Variants in GALNT16 observed in about 807,000 individuals in gnomAD.
The protein encoded by GALNT16 is UDP-GalNAc:polypeptide N-acetylgalactosaminyltransferase-like protein 1.
A neutral mutation model predicts 76.1 loss-of-function variants in GALNT16; 40 were observed. The ratio of observed to expected loss-of-function variants is 0.53; its 90% confidence interval spans 0.41 to 0.68. GALNT16 has a LOEUF of 0.68. Ranked by LOEUF, GALNT16 falls within the 30% of genes least tolerant of loss-of-function variation. The probability of loss-of-function intolerance (pLI) is 0.00; values close to 1 mark genes in which losing one functional copy is unlikely to be tolerated. For missense variants in GALNT16, 621 were observed against 731.9 expected (o/e 0.85, Z 1.75); for synonymous variants, 276 against 285.2 (o/e 0.97, Z 0.32).
At chr14:69,263,096 T>A (rs2044298399) in intron 1 of GALNT16, among the ~76,000 whole-genome samples, 2 of 152,124 alleles carry the variant, frequency 1.3e-5, no homozygotes, top group African/African-American at 4.8e-5. Flanking sequence ...CCCAGGCTGG[T>A]CTCAAACTCC....
chr14:69,297,333 T>C (rs2044782377), intron 1 of GALNT16, among the ~76,000 whole-genome samples: 1 of 152,250 alleles, frequency 6.6e-6, no homozygotes, highest in Non-Finnish European at 1.5e-5. Context: ...AACTGTTACA[T>C]AATAGTTCTG....
rs755295975 is a variant in GALNT16 at position 69,347,046 on chromosome 14, C to T, written c.1278C>T (p.Pro426=). Residue 426 remains proline, a synonymous_variant, in exon 13 of 15, where the codon CCC becomes CCT. Transcript: ENST00000448469. ...CTGCTGCCTTTTCTCTCAGGGTCCC[C>T]GTGAAGGAAGCACTCCCCGGCATCA... ...LENVYPELTV[P]VKEALPGIIK... is the part of the protein sequence containing the mutation. 5.6e-6 allele frequency: 9 copies of T among 1,613,952 alleles called. No individual in the cohort carries two copies. The highest frequency in any genetic ancestry group is 4.0e-5 in the African/African-American group (3 of 74,894).
At position 69,333,577 on chromosome 14, in the gene GALNT16, A is replaced by C; in HGVS notation, c.944A>C (p.Asp315Ala). The change falls in exon 9 of 15, where the codon GAC (aspartate) becomes GCC (alanine). Residue 315 changes from aspartate to alanine, a missense_variant. Coordinates refer to ENST00000448469, the MANE Select transcript of GALNT16 (RefSeq NM_001168368.2). This position sits in a 1 kb window ranked among gnomAD's most constrained non-coding sequence, Gnocchi z 4.2. ...TTGGGAAAGTATGATGCCCAGATGG[A>C]CATCTGGGGGGGAGAGAATTTTGGT... is the stretch of plus-strand genomic sequence containing the variant. ...NHLGKYDAQM[D>A]IWGGENFELS... The C allele has an allele frequency of 1.3e-6, 2 of 1,575,598 alleles. No individual in the cohort carries two copies. Among genetic ancestry groups the C allele is most frequent in the Non-Finnish European group, 1.7e-6 (2 of 1,149,070 alleles).
intron 1 of GALNT16, among the ~76,000 whole-genome samples, chr14:69,281,961 T>A (rs58655032): frequency 1.3e-5 from 2 of 152,174 alleles, no homozygotes; most frequent in African/African-American, 4.8e-5. Flanking sequence ...AGTATTTGCA[T>A]GCACAGAGCA....
intron 1 of GALNT16, among the ~76,000 whole-genome samples, chr14:69,316,326 C>T: frequency 6.6e-6 from 1 of 152,158 alleles, no homozygotes; most frequent in East Asian, 1.9e-4. Context: ...TTTTGAGTGC[C>T]TACAATCACC....
rs2045445005 is a variant in GALNT16 at position 69,338,676 on chromosome 14, T to C, written c.993T>C (p.Cys331=). ...AGCTCTCCTTCAGGGTGTGGATGTG[T>C]GGTGGCAGTCTGGAGATCGTCCCCT... ...NFELSFRVWM[C]GGSLEIVPCS... The change falls in exon 10 of 15, where the codon TGT becomes TGC. Residue 331 remains cysteine (C), a synonymous_variant. Transcript: ENST00000448469. 2 of 1,613,594 alleles carry C rather than the reference T, an allele frequency of 1.2e-6. No homozygotes were observed. Among genetic ancestry groups the C allele is most frequent in the Admixed American group, 3.3e-5 (2 of 59,974 alleles).
chr14:69,335,285 G>A (rs2045402504), intron 9 of GALNT16, among the ~76,000 whole-genome samples: 1 of 152,198 alleles, frequency 6.6e-6, no homozygotes, highest in Non-Finnish European at 1.5e-5. Flanking sequence ...GACTCCCCCA[G>A]CTTTGTAACT....
In GALNT16 at chr14:69,333,240, G is replaced by T; in HGVS notation, c.863+71G>T. 2 of 1,091,886 alleles carry T rather than the reference G, an allele frequency of 1.8e-6. No homozygotes were observed. Among genetic ancestry groups the T allele is most frequent in the African/African-American group, 1.6e-5 (1 of 63,682 alleles). 67.6% of individuals were successfully genotyped at this position (1,091,886 alleles called of 1,614,324 possible). A position where few individuals can be genotyped will look rare whatever the true frequency, so the allele number is the denominator to read the frequency against. ...CAGGGGCCTGGGAGGCTCTTGGGAGGCTGTATCGGTCGCTTGGGCTCCTGA... is the reference window on the plus strand; with the variant it reads ...CAGGGGCCTGGGAGGCTCTTGGGAGTCTGTATCGGTCGCTTGGGCTCCTGA... On this transcript the variant is annotated intron_variant, in intron 8 of 14. Transcript: ENST00000448469. The surrounding 1 kb of genome is among the most constrained non-coding windows in gnomAD (Gnocchi z 4.2).
At chr14:69,317,089 C>T (rs1231040596) in intron 1 of GALNT16, among the ~76,000 whole-genome samples, 1 of 152,160 alleles carries the variant, frequency 6.6e-6, no homozygotes, top group Non-Finnish European at 1.5e-5. Flanking sequence ...TTCACTACCC[C>T]CTCCAGAGAG....
the GALNT16 span, among the ~76,000 whole-genome samples, chr14:69,378,978 A>C: frequency 6.6e-6 from 1 of 152,030 alleles, no homozygotes; most frequent in Non-Finnish European, 1.5e-5. Flanking sequence ...CTGTCACCCA[A>C]GCTGGAGTGC....
chr14:69,269,033 G>A lies in GALNT16; in HGVS notation c.177+8566G>A, dbSNP rs114758916. The stretch of plus-strand genomic sequence containing the variant: ...CATCAGGAAGTGATAAATTCCACTC[G>A]GTGCACAGGCTGGTAAGTCAGGGAA... On this transcript the variant is annotated intron_variant, in intron 1 of 14. Transcript: ENST00000448469. 5.9e-3 allele frequency among the ~76,000 whole-genome samples: 906 copies of A among 152,278 alleles called. 12 individuals are homozygous for A. The highest frequency in any genetic ancestry group is 0.021 in the African/African-American group (878 of 41,550).
chr14:69,288,885 T>TC (rs1237238725), intron 1 of GALNT16, among the ~76,000 whole-genome samples: 1 of 148,484 alleles, frequency 6.7e-6, no homozygotes, highest in Non-Finnish European at 1.5e-5. Flanking sequence ...AGAAGTCTTC[T>TC]TTTTTTTTTA....
chr14:69,336,135 A>C (rs2045412579), intron 9 of GALNT16, among the ~76,000 whole-genome samples: 1 of 151,974 alleles, frequency 6.6e-6, no homozygotes, highest in Admixed American at 6.5e-5. Flanking sequence ...TTTCAGACAG[A>C]GTCTTGCTCT....
the GALNT16 span, among the ~76,000 whole-genome samples, chr14:69,376,687 T>C: frequency 2.6e-5 from 4 of 151,984 alleles, no homozygotes; most frequent in African/African-American, 4.8e-5. Context: ...TGGGTTAACA[T>C]TGTAGCTCTG....
intron 1 of GALNT16, among the ~76,000 whole-genome samples, chr14:69,320,011 C>A (rs571645357): frequency 5.9e-5 from 9 of 152,358 alleles, no homozygotes; most frequent in African/African-American, 2.2e-4. Flanking sequence ...TCTGCAGGCG[C>A]TTGGCAGCAT....
chr14:69,316,005 C>A (rs1253887654), intron 1 of GALNT16, among the ~76,000 whole-genome samples: 1 of 152,094 alleles, frequency 6.6e-6, no homozygotes, highest in East Asian at 1.9e-4. Context: ...TTCTGATTGG[C>A]CCAGATCAAA....
At chr14:69,338,873 A>C in intron 10 of GALNT16, 96 bp downstream of exon 10, 1 of 983,940 alleles carries the variant, frequency 1.0e-6, no homozygotes, top group Non-Finnish European at 1.5e-6. Flanking sequence ...GTGGGCAGCC[A>C]CCTCACTTCT....
chr14:69,295,680 A>G (rs1235198942), intron 1 of GALNT16, among the ~76,000 whole-genome samples: 1 of 152,184 alleles, frequency 6.6e-6, no homozygotes, highest in Non-Finnish European at 1.5e-5. Flanking sequence ...AGATCGCACT[A>G]CTGTACTCCA....
chr14:69,316,760 G>A (rs1282967822), intron 1 of GALNT16, among the ~76,000 whole-genome samples: 1 of 115,914 alleles, frequency 8.6e-6, no homozygotes, highest in Non-Finnish European at 1.7e-5. Flanking sequence ...GTGAGCTTGG[G>A]GGCTTGTAGT....
Sources: gnomAD v4.1 joint callset for allele counts (sites outside exome capture counted in the v4.1 genomes callset) on GRCh38, gnomAD v4.1.1 for gene constraint, Gnocchi (gnomAD v3.1) non-coding constraint, MANE v1.5 for transcripts, NCBI Gene and HGNC (gene_info 2026-07-23, HGNC 2026-07-21) for gene names.